Variants in CNTNAP2 observed in about 807,000 individuals in gnomAD.
The protein encoded by CNTNAP2 is contactin associated protein 2.
A neutral mutation model predicts 155.2 loss-of-function variants in CNTNAP2; 98 were observed. The ratio of observed to expected loss-of-function variants is 0.63; its 90% CI spans 0.54 to 0.75. CNTNAP2 has a LOEUF of 0.75. Among genes scored for constraint, CNTNAP2 ranks in the 30% least tolerant of loss-of-function variants. The pLI is 0.00. For synonymous variants in CNTNAP2, 651 were observed against 631.2 expected (o/e 1.03, Z -0.47); for missense variants, 1,727 against 1,688.1 (o/e 1.02, Z -0.40).
At chr7:146,407,393 C>T (rs1356089455) in intron 1 of CNTNAP2, among the ~76,000 whole-genome samples, 1 of 152,116 alleles carries the variant, frequency 6.6e-6, no homozygotes, top group Non-Finnish European at 1.5e-5. Flanking sequence ...ATTGAGCAAA[C>T]ATTCAAGTCT....
At chr7:146,366,138 A>T (rs1795152070) in intron 1 of CNTNAP2, among the ~76,000 whole-genome samples, 1 of 152,302 alleles carries the variant, frequency 6.6e-6, no homozygotes, top group Middle Eastern at 3.4e-3. Context: ...AGATATTTGC[A>T]TACTGATGGT....
intron 2 of CNTNAP2, among the ~76,000 whole-genome samples, chr7:146,776,496 A>G (rs575945223): frequency 1.3e-5 from 2 of 152,208 alleles, no homozygotes; most frequent in Non-Finnish European, 2.9e-5. Context: ...CCATTTCCAT[A>G]TAAGACCTCG....
In CNTNAP2 at chr7:148,031,744, C is replaced by T. The variant is rs141805418; in HGVS notation, c.2383+53755C>T. On this transcript the variant is annotated intron_variant, in intron 15 of 23. Coordinates refer to ENST00000361727, the MANE Select transcript of CNTNAP2 (RefSeq NM_014141.6). Reference sequence around the variant, plus strand: ...TGAGTGGACAAGGTATTTCCATGTGCCGAATTTACACAGTGCACCTCTTTC... The same window carrying T: ...TGAGTGGACAAGGTATTTCCATGTGTCGAATTTACACAGTGCACCTCTTTC... 2.7e-3 allele frequency among the ~76,000 whole-genome samples: 405 copies of T among 152,226 alleles called. 1 individual carries two copies. The highest frequency in any genetic ancestry group is 4.7e-3 in the Non-Finnish European group (317 of 68,022).
intron 10 of CNTNAP2, among the ~76,000 whole-genome samples, chr7:147,415,977 C>A (rs755054965): frequency 1.1e-4 from 16 of 152,114 alleles, no homozygotes; most frequent in African/African-American, 3.9e-4. Flanking sequence ...ACCCAAACGC[C>A]CTGCATTAAA....
At chr7:148,157,910 T>A (rs80153516) in intron 17 of CNTNAP2, among the ~76,000 whole-genome samples, 4,740 of 152,116 alleles carry the variant, frequency 0.031, 229 homozygotes, top group African/African-American at 0.11. Context: ...AAAATGCAAA[T>A]AAAATATAGA....
intron 22 of CNTNAP2, among the ~76,000 whole-genome samples, chr7:148,400,514 T>A (rs1399194834): frequency 6.6e-6 from 1 of 152,146 alleles, no homozygotes; most frequent in Non-Finnish European, 1.5e-5. Context: ...TGCCCCAGTG[T>A]TTACAGGAAA....
At chr7:147,318,375 A>G (rs1176131138) in intron 9 of CNTNAP2, among the ~76,000 whole-genome samples, 1 of 152,136 alleles carries the variant, frequency 6.6e-6, no homozygotes, top group Non-Finnish European at 1.5e-5. Context: ...CTTGGAGTGC[A>G]GTGATCCAAG....
chr7:148,081,117 A>T (rs1303338346), intron 15 of CNTNAP2, among the ~76,000 whole-genome samples: 28 of 152,240 alleles, frequency 1.8e-4, no homozygotes, highest in Non-Finnish European at 5.9e-5. Flanking sequence ...AATCTCAATG[A>T]CAAAGAAACA....
intron 8 of CNTNAP2, among the ~76,000 whole-genome samples, chr7:147,195,552 A>T (rs1221852824): frequency 6.6e-6 from 1 of 152,182 alleles, no homozygotes; most frequent in Non-Finnish European, 1.5e-5. Flanking sequence ...ATCCATGAGC[A>T]TGGAATGTTT....
At position 148,356,908 on chromosome 7, in the gene CNTNAP2, C is replaced by CAAA. The variant is rs367827199; in HGVS notation, c.3476-26732_3476-26730dup. ...CGTCACCATTAAAAAAACAAAAAAA[C>CAAA]AAAAAAAAAAACCCTTCCTCTTCCA... On this transcript the variant is annotated intron_variant, in intron 21 of 23. Coordinates refer to ENST00000361727, the MANE Select transcript of CNTNAP2 (RefSeq NM_014141.6). Among the ~76,000 whole-genome samples the CAAA allele has an allele frequency of 6.7e-3, 945 of 140,976 alleles. 7 individuals carry two copies. Among genetic ancestry groups the CAAA allele is most frequent in the African/African-American group, 0.024 (914 of 38,408 alleles). 92.5% of individuals were successfully genotyped at this position (140,976 alleles called of 152,430 possible). A position where few individuals can be genotyped will look rare whatever the true frequency, so the allele number is the denominator to read the frequency against.
Position 147,823,448 on chromosome 7 carries a change from C to T in CNTNAP2, c.2099-80117C>T, listed in dbSNP as rs138877366. Among the ~76,000 whole-genome samples, 71 of 152,228 alleles carry T rather than the reference C, an allele frequency of 4.7e-4. 1 individual carries two copies. Among genetic ancestry groups the T allele is most frequent in the African/African-American group, 1.4e-3 (57 of 41,542 alleles). ...GTATTAACCACTAACAACCACACTT[C>T]GTATATCAGCACGTTGAATTGAAAT... On this transcript the variant is annotated intron_variant, in intron 13 of 23. Transcript: ENST00000361727.
intron 1 of CNTNAP2, among the ~76,000 whole-genome samples, chr7:146,657,584 C>T (rs1259153997): frequency 1.3e-5 from 2 of 152,012 alleles, no homozygotes; most frequent in Admixed American, 1.3e-4. Context: ...GCATGGACAC[C>T]AAATTTTGTC....
At chr7:147,655,180 T>C (rs2116945684) in intron 13 of CNTNAP2, among the ~76,000 whole-genome samples, 1 of 152,090 alleles carries the variant, frequency 6.6e-6, no homozygotes, top group Non-Finnish European at 1.5e-5. Flanking sequence ...TGGAGTGCAG[T>C]GGCACAATCT....
chr7:147,533,710 CA>C (rs762259674), intron 11 of CNTNAP2, among the ~76,000 whole-genome samples: 291 of 124,414 alleles, frequency 2.3e-3, no homozygotes, highest in Non-Finnish European at 2.8e-3. Context: ...GATCCCATCT[CA>C]AAAAAAAAAA....
At chr7:147,101,812 T>C (rs1800662368) in intron 4 of CNTNAP2, among the ~76,000 whole-genome samples, 2 of 152,118 alleles carry the variant, frequency 1.3e-5, no homozygotes, top group Non-Finnish European at 2.9e-5. Context: ...GTTCTACTGC[T>C]CGTCTGTTCA....
chr7:146,907,853 G>T (rs1444481926), intron 3 of CNTNAP2, among the ~76,000 whole-genome samples: 1 of 152,148 alleles, frequency 6.6e-6, no homozygotes, highest in African/African-American at 2.4e-5. Context: ...GACACAGACT[G>T]GCAAGTTGGA....
intron 13 of CNTNAP2, among the ~76,000 whole-genome samples, chr7:147,796,796 G>A (rs757029289): frequency 6.6e-6 from 1 of 152,072 alleles, no homozygotes; most frequent in African/African-American, 2.4e-5. Context: ...TAAAAGCTTC[G>A]TGCTGATGCC....
intron 8 of CNTNAP2, among the ~76,000 whole-genome samples, chr7:147,147,784 C>T (rs1482593430): frequency 6.6e-6 from 1 of 152,100 alleles, no homozygotes; most frequent in Non-Finnish European, 1.5e-5. Flanking sequence ...TCTTCCTCTA[C>T]CTTTACTAAC....
chr7:147,283,564 T>TCTAAGATAGATAG (rs1487511252), intron 8 of CNTNAP2, among the ~76,000 whole-genome samples: 55 of 152,064 alleles, frequency 3.6e-4, no homozygotes, highest in African/African-American at 1.3e-3. Context: ...ACATGTTCTA[T>TCTAAGATAGATAG]AAATAAGAAA....
Sources: allele counts gnomAD v4.1 joint callset (sites outside exome capture counted in the v4.1 genomes callset), GRCh38; gene constraint gnomAD v4.1.1; transcripts MANE v1.5; gene names NCBI Gene and HGNC (gene_info 2026-07-23, HGNC 2026-07-21).